SYNE3: variants seen among roughly 807,000 people sequenced by gnomAD.
SYNE3 encodes the protein spectrin repeat containing nuclear envelope family member 3, also known as nesprin-3.
A neutral mutation model predicts 111.2 loss-of-function variants in SYNE3; 100 were observed. The observed-to-expected ratio is 0.90, with a 90% CI of 0.77 to 1.06. The LOEUF (loss-of-function observed/expected upper bound fraction) is 1.06, where lower values mean the gene tolerates loss of function less well. SYNE3 is among the 50% of genes least tolerant of loss of function. SYNE3 has a pLI of 0.00. For missense variants in SYNE3, 1,160 were observed against 1,240.3 expected (o/e 0.94, Z 0.97); for synonymous variants, 547 against 533.9 (o/e 1.02, Z -0.34).
chr14:95,501,264 C>T (rs191249297), intron 1 of SYNE3, among the ~76,000 whole-genome samples: 71 of 152,328 alleles, frequency 4.7e-4, no homozygotes, highest in Non-Finnish European at 3.4e-4. Flanking sequence ...TATTTATTTG[C>T]TTGCTTGTTG....
At chr14:95,463,851 G>A (rs1234526425) in intron 4 of SYNE3, among the ~76,000 whole-genome samples, 4 of 152,256 alleles carry the variant, frequency 2.6e-5, no homozygotes, top group African/African-American at 7.2e-5. Flanking sequence ...ATGGCAAACA[G>A]CCATTGTTGT....
At position 95,501,705 on chromosome 14, in the gene SYNE3, G is replaced by A. The variant is rs185968390; in HGVS notation, c.-15+14891C>T. On this transcript the variant is annotated intron_variant, in intron 1 of 17. Transcript: ENST00000682763. ...AGCTGAAGGGACAGTGGAGGAGGTG[G>A]CCACAGGAGGGAAGGGCATGGGGGG... Among the ~76,000 whole-genome samples, 167 of 151,132 alleles carry A rather than the reference G, an allele frequency of 1.1e-3. 1 individual carries two copies. Among genetic ancestry groups the A allele is most frequent in the African/African-American group, 3.9e-3 (159 of 40,410 alleles).
In SYNE3 at chr14:95,475,682, G is replaced by A; in HGVS notation, c.140C>T (p.Thr47Ile). The A allele has an allele frequency of 6.4e-7, 1 of 1,557,972 alleles. No individual in the cohort carries two copies. Among genetic ancestry groups the A allele is most frequent in the Non-Finnish European group, 8.7e-7 (1 of 1,155,586 alleles). ...RAALEARLWE[T>I]EKICQLEPEG... is the part of the protein sequence containing the mutation. ...TGAGGCCACGCCTCTGCATACCTCG[G>A]TCTCCCACAGCCTGGCCTCCAGGGC... The change falls in exon 2 of 18, where the codon ACC becomes ATC. Residue 47 changes from threonine to isoleucine, a missense_variant. By Grantham distance (89) the Thr-to-Ile change is moderately conservative (BLOSUM62 -1). Transcript: ENST00000682763.
At position 95,417,677 on chromosome 14, in the gene SYNE3, T is replaced by C; in HGVS notation, c.*149A>G. 1.3e-6 allele frequency: 1 copy of C among 798,314 alleles called. No homozygotes were observed. Among genetic ancestry groups the C allele is most frequent in the South Asian group, 1.5e-5 (1 of 64,826 alleles). The allele number at this position is 798,314 out of a possible 1,614,324, so 49.5% of individuals were successfully genotyped here. ...CAACACTGTATAAAAAGTAAGTGTC[T>C]TCTGGGAACGCTGACACAGCACTGA... On this transcript the variant is annotated 3_prime_UTR_variant, in exon 18 of 18. Transcript: ENST00000682763.
At chr14:95,467,608 T>G (rs1888269521) in intron 3 of SYNE3, among the ~76,000 whole-genome samples, 187 bp downstream of exon 3, 1 of 152,240 alleles carries the variant, frequency 6.6e-6, no homozygotes, top group Non-Finnish European at 1.5e-5. Context: ...CCAGTGTCTA[T>G]TATCATCATT....
At chr14:95,467,045 C>T (rs1302838097) in intron 3 of SYNE3, among the ~76,000 whole-genome samples, 1 of 152,226 alleles carries the variant, frequency 6.6e-6, no homozygotes, top group Non-Finnish European at 1.5e-5. Context: ...TTAGTTTCTC[C>T]ATCTCTAACA....
At chr14:95,475,637 G>T in intron 2 of SYNE3, 41 bp downstream of exon 2, 1 of 1,434,934 alleles carries the variant, frequency 7.0e-7, no homozygotes. Flanking sequence ...GTGGGATGGG[G>T]CCAAGACCAC....
At chr14:95,507,489 T>C (rs1164689053) in intron 1 of SYNE3, among the ~76,000 whole-genome samples, 1 of 152,198 alleles carries the variant, frequency 6.6e-6, no homozygotes, top group Non-Finnish European at 1.5e-5. Flanking sequence ...GCTATCCTCT[T>C]ATCTGCTCAA....
At chr14:95,493,769 C>A (rs932127986) in intron 1 of SYNE3, among the ~76,000 whole-genome samples, 2 of 152,220 alleles carry the variant, frequency 1.3e-5, no homozygotes, top group African/African-American at 4.8e-5. Context: ...ATACAAATAG[C>A]CTTGAGCGCC....
intron 10 of SYNE3, chr14:95,444,110 C>A (rs994674632): frequency 3.6e-5 from 10 of 281,218 alleles, no homozygotes; most frequent in Non-Finnish European, 5.9e-5. Flanking sequence ...CAACGGTCAG[C>A]CTACTTACAG....
intron 15 of SYNE3, among the ~76,000 whole-genome samples, chr14:95,434,880 C>G (rs1044828772): frequency 1.3e-5 from 2 of 152,206 alleles, no homozygotes; most frequent in African/African-American, 4.8e-5. Flanking sequence ...TCTCGAACTC[C>G]TGACCTCAGG....
At chr14:95,462,846 A>T (rs1887922295) in intron 4 of SYNE3, among the ~76,000 whole-genome samples, 1 of 152,308 alleles carries the variant, frequency 6.6e-6, no homozygotes, top group East Asian at 1.9e-4. Flanking sequence ...TGACGCACAG[A>T]ATGTTTTTTA....
At chr14:95,436,617 C>T (rs1368469269) in intron 15 of SYNE3, among the ~76,000 whole-genome samples, 2 of 152,256 alleles carry the variant, frequency 1.3e-5, no homozygotes, top group African/African-American at 2.4e-5. Flanking sequence ...TAGGGAACTA[C>T]ATAAGCATGC....
In SYNE3 at chr14:95,443,292, GCAGTAGAGAAGGGAA is replaced by G. The variant is rs756556034; in HGVS notation, c.1777-18_1777-4del. ...TCCAGCCCCTCTTCCTGCAGCCCCT[GCAGTAGAGAAGGGAA>G]CAGGTAGGCTAATCTTCCCACCTCT... On this transcript the variant is annotated splice_polypyrimidine_tract_variant and splice_region_variant and intron_variant, in intron 10 of 17. Transcript: ENST00000682763. 9.9e-6 allele frequency: 16 copies of G among 1,614,068 alleles called. No homozygotes were observed. The highest frequency in any genetic ancestry group is 1.7e-5 in the Admixed American group (1 of 60,010).
chr14:95,499,854 G>GTTTTTT (rs1890259277), intron 1 of SYNE3, among the ~76,000 whole-genome samples: 17 of 53,716 alleles, frequency 3.2e-4, no homozygotes, highest in East Asian at 7.2e-4. Context: ...ACTAACTCTT[G>GTTTTTT]TCTTTTTTTT....
At chr14:95,514,077 T>C (rs900563444) in intron 1 of SYNE3, among the ~76,000 whole-genome samples, 4 of 151,824 alleles carry the variant, frequency 2.6e-5, no homozygotes, top group African/African-American at 9.7e-5. Context: ...ACGAACACAT[T>C]TGAGTCCCTC....
chr14:95,432,601 T>C (rs528709407), intron 16 of SYNE3, among the ~76,000 whole-genome samples: 2 of 151,772 alleles, frequency 1.3e-5, no homozygotes, highest in East Asian at 1.9e-4. Context: ...GGACATAGCA[T>C]TGAGCAAAGG....
intron 8 of SYNE3, among the ~76,000 whole-genome samples, chr14:95,446,497 C>T (rs917852616): frequency 1.3e-5 from 2 of 152,208 alleles, no homozygotes; most frequent in African/African-American, 2.4e-5. Context: ...CACCACATTG[C>T]TGCAGAACCT....
In SYNE3 at chr14:95,475,486, G is replaced by A. The variant is rs567975634; in HGVS notation, c.144+192C>T. The stretch of plus-strand genomic sequence containing the variant: ...TGGAACTTGTCAAAAGCAAAGTCTC[G>A]GACTTCACCTCCATGACCCGATCAG... On this transcript the variant is annotated intron_variant, in intron 2 of 17. Transcript: ENST00000682763. 3.9e-5 allele frequency among the ~76,000 whole-genome samples: 6 copies of A among 152,264 alleles called. No homozygotes were observed. In the South Asian group the frequency reaches 1.0e-3, roughly 26 times the overall value.
Sources: gnomAD v4.1 joint callset for allele counts (sites outside exome capture counted in the v4.1 genomes callset) on GRCh38, gnomAD v4.1.1 for gene constraint, MANE v1.5 for transcripts, NCBI Gene and HGNC (gene_info 2026-07-23, HGNC 2026-07-21) for gene names.